The following ITFG2 variants were observed in gnomAD, a reference collection of about 807,000 sequenced individuals.
ITFG2 encodes integrin alpha FG-GAP repeat containing 2.
ITFG2 carries 36 observed loss-of-function variants against 54.4 expected under a neutral mutation model. That is an observed-to-expected ratio of 0.66 (90% confidence interval 0.51 to 0.87). The LOEUF (loss-of-function observed/expected upper bound fraction) is 0.87. ITFG2 is among the 40% of genes least tolerant of loss of function. ITFG2 has a pLI of 0.00. For synonymous variants in ITFG2, 211 were observed against 225.4 expected, an observed-to-expected ratio of 0.94 and a Z score of 0.57; for missense variants, 524 against 576.7, an observed-to-expected ratio of 0.91 and a Z score of 0.94.
intron 1 of ITFG2, among the ~76,000 whole-genome samples, chr12:2,814,894 A>T (rs543837808): frequency 7.7e-4 from 115 of 149,358 alleles, no homozygotes; most frequent in Admixed American, 1.7e-3. Context: ...GGTTTGATTT[A>T]AAAAAAACCA....
Position 2,812,816 on chromosome 12 carries a change from T to G in ITFG2, c.56T>G (p.Phe19Cys). Reference protein sequence around the residue: ...RVALEFSGSLFPHAICLGDVD... With the variant: ...RVALEFSGSLCPHAICLGDVD... ...GCGCTGGAGTTCAGCGGGAGCCTCTTCCCGCACGCAATCTGCCTCGGAGAC... is the reference window on the plus strand; with the variant it reads ...GCGCTGGAGTTCAGCGGGAGCCTCTGCCCGCACGCAATCTGCCTCGGAGAC... Residue 19 changes from phenylalanine (F) to cysteine (C), a missense_variant, in exon 1 of 12, where the codon TTC (phenylalanine) becomes TGC (cysteine). By Grantham distance (205) the Phe-to-Cys change is radical (BLOSUM62 -2). Transcript: ENST00000228799. 1 of 1,613,228 alleles carries G rather than the reference T, an allele frequency of 6.2e-7. No individual in the cohort carries two copies. Among genetic ancestry groups the G allele is most frequent in the Non-Finnish European group, 8.5e-7 (1 of 1,179,336 alleles).
chr12:2,853,959 G>A (rs887349573), intron 2 of ITFG2, among the ~76,000 whole-genome samples: 10 of 152,098 alleles, frequency 6.6e-5, no homozygotes, highest in African/African-American at 1.2e-4. Context: ...TTCCTGTGGC[G>A]GGGACACTCC....
rs1249546113 is a variant in ITFG2, at chr12:2,824,131, A to G, written c.1282A>G (p.Thr428Ala). ...LPVTRALLHQ[T>A]LYHPDQPPQC... ...TGTGACTCGTGCCCTGCTTCACCAA[A>G]CGCTCTACCATCCAGACCAGCCACC... Residue 428 changes from threonine to alanine, a missense_variant, in exon 12 of 12, where the codon ACG becomes GCG. By Grantham distance (58) the Thr-to-Ala change is moderately conservative (BLOSUM62 0). Coordinates refer to ENST00000228799, the MANE Select transcript of ITFG2 (RefSeq NM_018463.4). 3 of 1,614,044 alleles carry G rather than the reference A, an allele frequency of 1.9e-6. No homozygotes were observed. Among genetic ancestry groups the G allele is most frequent in the African/African-American group, 2.7e-5 (2 of 75,002 alleles).
intron 2 of ITFG2, among the ~76,000 whole-genome samples, chr12:2,853,580 TTTG>T (rs879668938): frequency 2.9e-4 from 44 of 151,832 alleles, no homozygotes; most frequent in Non-Finnish European, 5.4e-4. Context: ...GCCTGTTTTT[TTTG>T]TTGTTGTTGT....
intron 2 of ITFG2, among the ~76,000 whole-genome samples, chr12:2,854,384 C>T (rs1012245501): frequency 6.6e-6 from 1 of 152,228 alleles, no homozygotes; most frequent in African/African-American, 2.4e-5. Context: ...TATCCTCCCA[C>T]AGTGAGGTCG....
downstream of ITFG2, chr12:2,828,022 A>G: frequency 6.2e-7 from 1 of 1,614,046 alleles, no homozygotes; most frequent in Non-Finnish European, 8.5e-7. Context: ...TCCCCAGCTG[A>G]GGCTTTTAGG....
chr12:2,839,353 AG>A lies in ITFG2; in HGVS notation n.147-1484del, dbSNP rs368580382. Among the ~76,000 whole-genome samples, 39 of 152,282 alleles carry A rather than the reference AG, an allele frequency of 2.6e-4. No individual in the cohort carries two copies. In the East Asian group the frequency reaches 2.9e-3, roughly 11 times the overall value. On this transcript the variant is annotated intron_variant and non_coding_transcript_variant, in intron 1 of 3. Coordinates refer to the ITFG2 transcript ENST00000537710. ...CCATTGGTCTCTAATAATGAGACAG[AG>A]GGGGAAGAAACTTCGTCCAACTATT...
intron 8 of ITFG2, 23 bp from the exon 9 acceptor site, chr12:2,821,667 ACT>A: frequency 6.2e-7 from 1 of 1,613,534 alleles, no homozygotes; most frequent in Non-Finnish European, 8.5e-7. Context: ...TCCCACCCAC[ACT>A]CAGCCTGCCT....
At chr12:2,823,736 T>G in intron 10 of ITFG2, 34 bp from the exon 11 acceptor site, 1 of 1,519,786 alleles carries the variant, frequency 6.6e-7, no homozygotes, top group Non-Finnish European at 8.8e-7. Flanking sequence ...CACTGAAACT[T>G]CCTGACCTTT....
At chr12:2,835,068 G>T (rs2098022042), upstream of ITFG2, 1 of 1,443,330 alleles carries the variant, frequency 6.9e-7, no homozygotes, top group Middle Eastern at 2.2e-4. Flanking sequence ...AGTCCTAGAA[G>T]AGAGGGAGGG....
chr12:2,851,467 C>T (rs573557740), intron 2 of ITFG2, among the ~76,000 whole-genome samples: 128 of 152,144 alleles, frequency 8.4e-4, no homozygotes, highest in Non-Finnish European at 1.6e-3. Context: ...CTCAGCCTCC[C>T]GAGTAGCTGG....
chr12:2,832,873 T>A (rs2098010555), upstream of ITFG2, among the ~76,000 whole-genome samples: 1 of 151,498 alleles, frequency 6.6e-6, no homozygotes, highest in African/African-American at 2.4e-5. Flanking sequence ...ATGAGGCCCT[T>A]GGGGTTGCTC....
Position 2,851,390 on chromosome 12 carries a change from C to T in ITFG2, n.301-6622C>T, listed in dbSNP as rs138705931. Among the ~76,000 whole-genome samples the T allele has an allele frequency of 2.1e-3, 325 of 152,180 alleles. 2 individuals carry two copies. The highest frequency in any genetic ancestry group is 7.4e-3 in the African/African-American group (309 of 41,544). On this transcript the variant is annotated intron_variant and non_coding_transcript_variant, in intron 2 of 3. Coordinates refer to the ITFG2 transcript ENST00000537710. ...GGAGTCTGACTCTGTCCCTGATGCT[C>T]GAGCACAGTGGCCATGATCTTGGCT... is the stretch of plus-strand genomic sequence containing the variant.
At chr12:2,813,864 T>C (rs1463015126) in intron 1 of ITFG2, among the ~76,000 whole-genome samples, 1 of 152,212 alleles carries the variant, frequency 6.6e-6, no homozygotes, top group Non-Finnish European at 1.5e-5. Context: ...ATTTGTGTTA[T>C]GTTTTCTGGG....
chr12:2,823,725 G>A, intron 10 of ITFG2, 45 bp from the exon 11 acceptor site: 1 of 1,508,622 alleles, frequency 6.6e-7, no homozygotes, highest in South Asian at 1.4e-5. Flanking sequence ...CCCACTGTCG[G>A]CACTGAAACT....
chr12:2,818,353 G>A, intron 4 of ITFG2, 76 bp downstream of exon 4: 1 of 1,588,744 alleles, frequency 6.3e-7, no homozygotes, highest in African/African-American at 1.3e-5. Context: ...AAGGGATTGG[G>A]GTGAGAGGGA....
At chr12:2,859,512 A>G in intron 3 of ITFG2, 1 of 1,613,938 alleles carries the variant, frequency 6.2e-7, no homozygotes, top group Non-Finnish European at 8.5e-7. Context: ...GGGTCTCGCT[A>G]AGTGTGGCAT....
chr12:2,818,910 C>T (rs2097932005), intron 4 of ITFG2, among the ~76,000 whole-genome samples: 1 of 151,724 alleles, frequency 6.6e-6, no homozygotes, highest in African/African-American at 2.4e-5. Context: ...CCCAGCTACT[C>T]AGGAGACTGA....
intron 2 of ITFG2, chr12:2,854,816 T>C (rs1201965428): frequency 1.7e-5 from 23 of 1,392,098 alleles, no homozygotes; most frequent in East Asian, 5.0e-5. Context: ...GAGTCCCGGT[T>C]AGAAACAGGA....
Sources: allele counts gnomAD v4.1 joint callset (sites outside exome capture counted in the v4.1 genomes callset), GRCh38; gene constraint gnomAD v4.1.1; transcripts MANE v1.5; gene names NCBI Gene and HGNC (gene_info 2026-07-23, HGNC 2026-07-21).